COG5: variants seen among roughly 807,000 people sequenced by gnomAD.
The protein encoded by COG5 is conserved oligomeric Golgi complex subunit 5.
A neutral mutation model predicts 110.4 loss-of-function variants in COG5; 86 were observed. That is an observed-to-expected ratio of 0.78 (90% CI 0.65 to 0.93). The LOEUF is 0.93. Among genes scored for constraint, COG5 ranks in the 40% least tolerant of loss-of-function variants. The probability of loss-of-function intolerance (pLI) is 0.00; values close to 1 mark genes in which losing one functional copy is unlikely to be tolerated. For missense variants in COG5, 1,077 were observed against 987.0 expected, an observed-to-expected ratio of 1.09 and a Z score of -1.22; for synonymous variants, 360 against 334.6, an observed-to-expected ratio of 1.08 and a Z score of -0.83.
At chr7:107,273,659 A>G (rs1804459843) in intron 14 of COG5, among the ~76,000 whole-genome samples, 1 of 152,238 alleles carries the variant, frequency 6.6e-6, no homozygotes, top group Non-Finnish European at 1.5e-5. Context: ...TGAAGTGATA[A>G]CATGGTAAGT....
chr7:107,430,693 T>C (rs11766131), intron 6 of COG5, among the ~76,000 whole-genome samples: 23,717 of 152,204 alleles, frequency 0.16, 2,312 homozygotes, highest in Non-Finnish European at 0.22. Flanking sequence ...TATAAAACAA[T>C]TTGGGAAGTG....
intron 6 of COG5, among the ~76,000 whole-genome samples, chr7:107,511,266 C>G (rs2129144157): frequency 6.6e-6 from 1 of 152,286 alleles, no homozygotes; most frequent in East Asian, 1.9e-4. Context: ...ACTACAAACA[C>G]CTCTACGCAA....
rs533795869 is a variant in COG5, at chr7:107,468,770, T to C, written c.539-56138A>G. Among the ~76,000 whole-genome samples, 9 of 152,170 alleles carry C rather than the reference T, an allele frequency of 5.9e-5. No homozygotes were observed. In the East Asian group the frequency reaches 1.2e-3, roughly 20 times the overall value. On this transcript the variant is annotated intron_variant, in intron 6 of 21. Coordinates refer to ENST00000297135, the MANE Select transcript of COG5 (RefSeq NM_006348.5). ...TTCCAATTGCAAATAAAAACCAGTA[T>C]ACATTTTGAAAAATGAAGGTCACTA...
intron 8 of COG5, among the ~76,000 whole-genome samples, chr7:107,364,884 G>C (rs1813456506): frequency 6.6e-6 from 1 of 152,126 alleles, no homozygotes; most frequent in African/African-American, 2.4e-5. Flanking sequence ...CGCATCTAAT[G>C]AATCTTTAGA....
intron 11 of COG5, among the ~76,000 whole-genome samples, chr7:107,301,882 C>A (rs1807299287): frequency 6.6e-6 from 1 of 151,896 alleles, no homozygotes; most frequent in South Asian, 2.1e-4. Flanking sequence ...AAAAAAATGA[C>A]CATATCAAAT....
intron 18 of COG5, among the ~76,000 whole-genome samples, chr7:107,231,606 T>C (rs1414099297): frequency 2.6e-5 from 4 of 152,200 alleles, no homozygotes; most frequent in South Asian, 4.1e-4. Flanking sequence ...TGCTCCCTGA[T>C]AGTACAGCAC....
intron 12 of COG5, among the ~76,000 whole-genome samples, chr7:107,288,680 C>A (rs955621590): frequency 3.6e-4 from 54 of 151,846 alleles, no homozygotes; most frequent in South Asian, 1.0e-3. Context: ...GAAAAGAGTT[C>A]TTTATATATT....
chr7:107,214,108 G>C (rs1168896264), intron 19 of COG5, among the ~76,000 whole-genome samples: 1 of 152,012 alleles, frequency 6.6e-6, no homozygotes, highest in African/African-American at 2.4e-5. Context: ...CCTGGAAATG[G>C]AGACAACAAC....
Position 107,423,104 on chromosome 7 carries a change from T to C in COG5, c.539-10472A>G, listed in dbSNP as rs868436292. On this transcript the variant is annotated intron_variant, in intron 6 of 21. Transcript: ENST00000297135. ...AAGCCTTAATCTTTGCAATACAATT[T>C]ATTTTAATTTCAAAGATACAAAGTT... 4.5e-4 allele frequency among the ~76,000 whole-genome samples: 68 copies of C among 149,808 alleles called. No homozygotes were observed. The Middle Eastern group carries it at 0.01, about 23-fold the overall frequency.
intron 21 of COG5, among the ~76,000 whole-genome samples, chr7:107,204,017 G>T (rs1798560174): frequency 6.6e-6 from 1 of 152,226 alleles, no homozygotes; most frequent in Non-Finnish European, 1.5e-5. Context: ...GCCTCTGAAA[G>T]GCACGCTCAA....
chr7:107,417,756 C>T (rs1792977956), intron 6 of COG5, among the ~76,000 whole-genome samples: 1 of 152,144 alleles, frequency 6.6e-6, no homozygotes, highest in East Asian at 1.9e-4. Context: ...AATATGTTCT[C>T]ATTGATAGTC....
chr7:107,558,016 G>A lies in COG5; in HGVS notation c.194C>T (p.Ala65Val). Residue 65 changes from alanine (A) to valine (V), a missense_variant, in exon 2 of 22, where the codon GCC (alanine) becomes GTC (valine). Transcript: ENST00000297135. ...TCTGTCCAACTGACTGATTCCTTGG[G>A]CAAGTTTTGCTAGTTGTTCAGCAAT... ...AVIAEQLAKLAQGISQLDREL... is the reference protein window; with the variant it reads ...AVIAEQLAKLVQGISQLDREL... 6.2e-7 allele frequency: 1 copy of A among 1,613,732 alleles called. No individual in the cohort carries two copies. The highest frequency in any genetic ancestry group is 8.5e-7 in the Non-Finnish European group (1 of 1,179,906).
At chr7:107,246,173 T>C (rs1413021004) in intron 17 of COG5, among the ~76,000 whole-genome samples, 1 of 152,206 alleles carries the variant, frequency 6.6e-6, no homozygotes, top group Admixed American at 6.5e-5. Context: ...CACAGAAGAT[T>C]GAAACTGGAC....
intron 6 of COG5, among the ~76,000 whole-genome samples, chr7:107,430,716 C>T (rs1011025751): frequency 6.6e-6 from 1 of 152,184 alleles, no homozygotes; most frequent in Non-Finnish European, 1.5e-5. Flanking sequence ...GCCATCTGTG[C>T]TAGGCATATT....
At chr7:107,475,240 C>A in intron 6 of COG5, 1 of 1,608,138 alleles carries the variant, frequency 6.2e-7, no homozygotes, top group Non-Finnish European at 8.5e-7. Flanking sequence ...AGAAGCTGAT[C>A]CCCTGCCTAA....
chr7:107,350,756 T>TG (rs1318427025), intron 10 of COG5, among the ~76,000 whole-genome samples: 1 of 152,194 alleles, frequency 6.6e-6, no homozygotes, highest in Non-Finnish European at 1.5e-5. Flanking sequence ...GCCACTACCC[T>TG]GGGTCTTGGT....
chr7:107,332,955 G>A lies in COG5; in HGVS notation c.1027-8434C>T, dbSNP rs148896113. On this transcript the variant is annotated intron_variant, in intron 10 of 21. Transcript: ENST00000297135. Reference sequence around the variant, plus strand: ...TGAAAAAGAAGCAGACACCTTTGAGGCAAAAGGGGGAGGTAAGGATAAGCA... The same window carrying A: ...TGAAAAAGAAGCAGACACCTTTGAGACAAAAGGGGGAGGTAAGGATAAGCA... Among the ~76,000 whole-genome samples the A allele has an allele frequency of 1.6e-4, 25 of 152,274 alleles. No individual in the cohort carries two copies. The East Asian group carries it at 4.0e-3, about 25-fold the overall frequency.
intron 7 of COG5, among the ~76,000 whole-genome samples, chr7:107,372,981 T>C (rs1398650779): frequency 1.3e-5 from 2 of 152,160 alleles, no homozygotes; most frequent in African/African-American, 4.8e-5. Flanking sequence ...TATATTATTT[T>C]CCCCCTTACC....
chr7:107,476,558 T>C (rs148053205), intron 6 of COG5, among the ~76,000 whole-genome samples: 2,133 of 151,714 alleles, frequency 0.014, 47 homozygotes, highest in African/African-American at 0.05. Flanking sequence ...TGTGGGAAAA[T>C]CATGAAATTA....
Sources: allele counts gnomAD v4.1 joint callset (sites outside exome capture counted in the v4.1 genomes callset), GRCh38; gene constraint gnomAD v4.1.1; transcripts MANE v1.5; gene names NCBI Gene and HGNC (gene_info 2026-07-23, HGNC 2026-07-21).